DAAM2: variants seen among roughly 807,000 people sequenced by gnomAD.
DAAM2 encodes the protein dishevelled associated activator of morphogenesis 2, also known as disheveled-associated activator of morphogenesis 2.
A neutral mutation model predicts 120.7 loss-of-function variants in DAAM2; 39 were observed. The observed-to-expected ratio is 0.32, with a 90% CI of 0.25 to 0.42. The LOEUF (loss-of-function observed/expected upper bound fraction) is 0.42, where lower values mean the gene tolerates loss of function less well. DAAM2 is among the 10% of genes least tolerant of loss of function. The pLI, the probability that DAAM2 is intolerant of heterozygous loss-of-function variation, is 1.00. For missense variants in DAAM2, 1,283 were observed against 1,401.7 expected, an observed-to-expected ratio of 0.92 and a Z score of 1.35; for synonymous variants, 488 against 524.9, an observed-to-expected ratio of 0.93 and a Z score of 0.96.
At chr6:39,841,944 AG>A (rs1763357224) in intron 1 of DAAM2, among the ~76,000 whole-genome samples, 1 of 152,262 alleles carries the variant, frequency 6.6e-6, no homozygotes, top group African/African-American at 2.4e-5. Flanking sequence ...GACAGAGAGG[AG>A]GGGGAAATTA....
chr6:39,898,811 C>T (rs892155722), intron 21 of DAAM2, 66 bp from the exon 22 acceptor site: 2 of 1,412,662 alleles, frequency 1.4e-6, no homozygotes, highest in African/African-American at 2.8e-5. Context: ...TCTCCCTGAA[C>T]CAGCCTTAGC....
At chr6:39,849,145 CT>C (rs1763711302) in intron 1 of DAAM2, among the ~76,000 whole-genome samples, 1 of 152,148 alleles carries the variant, frequency 6.6e-6, no homozygotes, top group South Asian at 2.1e-4. Flanking sequence ...AGTTGGCAGT[CT>C]TTCTATAATG....
chr6:39,805,737 T>G (rs1244534662), intron 1 of DAAM2, among the ~76,000 whole-genome samples: 1 of 152,062 alleles, frequency 6.6e-6, no homozygotes, highest in African/African-American at 2.4e-5. Flanking sequence ...TGTATTTTAG[T>G]AGAGACGGGG....
In DAAM2 at chr6:39,884,033, T is replaced by C. The variant is rs369272530; in HGVS notation, c.1917T>C (p.Asp639=). ...TATTTCGGATCCTGGACCTAGAGGA[T>C]TTTGAAAAGATGTTTTCAGCCTACC... The part of the protein sequence containing the change: ...MQVFRILDLE[D]FEKMFSAYQR... Residue 639 remains aspartate, a synonymous_variant, in exon 15 of 25, where the codon GAT becomes GAC. Transcript: ENST00000274867. 4 of 1,612,666 alleles carry C rather than the reference T, an allele frequency of 2.5e-6. No individual in the cohort carries two copies. In the African/African-American group the frequency reaches 5.3e-5, roughly 22 times the overall value.
At position 39,887,526 on chromosome 6, in the gene DAAM2, G is replaced by A. The variant is rs769307028; in HGVS notation, c.1994G>A (p.Arg665His). The part of the protein sequence containing the change: ...GSTEDIYLAS[R>H]KVKELSVIDG... ...ACTGAAGACATCTACCTGGCTTCCCGCAAGGTCAAAGAGCTGTCGGTCATT... is the reference window on the plus strand; with the variant it reads ...ACTGAAGACATCTACCTGGCTTCCCACAAGGTCAAAGAGCTGTCGGTCATT... The change falls in exon 16 of 25, where the codon CGC becomes CAC. Residue 665 changes from arginine to histidine, a missense_variant. Coordinates refer to ENST00000274867, the MANE Select transcript of DAAM2 (RefSeq NM_001201427.2). 2.0e-5 allele frequency: 33 copies of A among 1,613,760 alleles called. No homozygotes were observed. The highest frequency in any genetic ancestry group is 2.6e-5 in the Non-Finnish European group (31 of 1,179,782).
At chr6:39,823,248 T>C (rs565202291) in intron 1 of DAAM2, 2 of 152,184 alleles carry the variant, frequency 1.3e-5, no homozygotes, top group Non-Finnish European at 2.9e-5. Flanking sequence ...CAGATTCTAC[T>C]GCAGGAAGGG....
chr6:39,904,121 C>T lies in DAAM2; in HGVS notation c.*2084C>T, dbSNP rs986909237. 1.3e-5 allele frequency: 6 copies of T among 447,842 alleles called. No homozygotes were observed. Among genetic ancestry groups the T allele is most frequent in the Admixed American group, 1.2e-4 (5 of 41,674 alleles). The allele number at this position is 447,842 out of a possible 1,614,324, so 27.7% of individuals were successfully genotyped here. A position where few individuals can be genotyped will look rare whatever the true frequency, so the allele number is the denominator to read the frequency against. ...CAAGCGTGTCTGGCATTCCCACCCACCATGGAAGACTGGATACGCACCTGG... is the reference window on the plus strand; with the variant it reads ...CAAGCGTGTCTGGCATTCCCACCCATCATGGAAGACTGGATACGCACCTGG... On this transcript the variant is annotated 3_prime_UTR_variant, in exon 25 of 25. Transcript: ENST00000274867.
chr6:39,823,719 C>G (rs747233512), intron 1 of DAAM2, among the ~76,000 whole-genome samples: 1 of 152,178 alleles, frequency 6.6e-6, no homozygotes, highest in Non-Finnish European at 1.5e-5. Flanking sequence ...TGACTTGTGC[C>G]TCACCACCCT....
Position 39,864,507 on chromosome 6 carries a change from G to C in DAAM2, c.333G>C (p.Ala111=), listed in dbSNP as rs760045162. The change falls in exon 4 of 25, where the codon GCG becomes GCC. Residue 111 remains alanine (A), a splice_region_variant and synonymous_variant. Coordinates refer to ENST00000274867, the MANE Select transcript of DAAM2 (RefSeq NM_001201427.2). The stretch of plus-strand genomic sequence containing the variant: ...TCGACCGCATCAATTCCATGGCTGC[G>C]GTGAGTGGCTGCCCCTCTCCTGCCC... ...YYIDRINSMA[A]MQSLYAFDEE... is the part of the protein sequence containing the mutation. The C allele has an allele frequency of 6.2e-7, 1 of 1,608,120 alleles. No homozygotes were observed. Among genetic ancestry groups the C allele is most frequent in the Non-Finnish European group, 8.5e-7 (1 of 1,178,146 alleles).
chr6:39,869,325 C>T (rs1341581925), intron 7 of DAAM2, among the ~76,000 whole-genome samples: 4 of 152,264 alleles, frequency 2.6e-5, no homozygotes, highest in Admixed American at 6.5e-5. Flanking sequence ...TGGCTCATGC[C>T]TGTAATCCCA....
Position 39,887,520 on chromosome 6 carries a change from C to T in DAAM2, c.1988C>T (p.Ala663Val). The part of the protein sequence containing the change: ...ELGSTEDIYL[A>V]SRKVKELSVI... ...GGCTCCACTGAAGACATCTACCTGG[C>T]TTCCCGCAAGGTCAAAGAGCTGTCG... The change falls in exon 16 of 25, where the codon GCT becomes GTT. Residue 663 changes from alanine to valine, a missense_variant. Physicochemically the swap from Ala to Val is moderately conservative, Grantham distance 64. Coordinates refer to ENST00000274867, the MANE Select transcript of DAAM2 (RefSeq NM_001201427.2). 1 of 1,613,814 alleles carries T rather than the reference C, an allele frequency of 6.2e-7. No individual in the cohort carries two copies. The highest frequency in any genetic ancestry group is 8.5e-7 in the Non-Finnish European group (1 of 1,179,810).
At chr6:39,872,156 G>C (rs1304347998) in intron 9 of DAAM2, among the ~76,000 whole-genome samples, 1 of 152,202 alleles carries the variant, frequency 6.6e-6, no homozygotes, top group Middle Eastern at 3.2e-3. Flanking sequence ...CAGGCCCTGT[G>C]CTGTGGTGGA....
Position 39,902,258 on chromosome 6 carries a change from C to T in DAAM2, c.*221C>T. The T allele has an allele frequency of 2.2e-6, 1 of 449,688 alleles. No homozygotes were observed. Among genetic ancestry groups the T allele is most frequent in the Non-Finnish European group, 3.9e-6 (1 of 256,072 alleles). The allele number at this position is 449,688 out of a possible 1,614,324, so 27.9% of individuals were successfully genotyped here. On this transcript the variant is annotated 3_prime_UTR_variant, in exon 25 of 25. Coordinates refer to ENST00000274867, the MANE Select transcript of DAAM2 (RefSeq NM_001201427.2). ...CACATGATTCCTTCTGTGCCCTGGC[C>T]CCAGGTATTATTCTGAGGCTGCCTT...
Position 39,900,178 on chromosome 6 carries a change from G to T in DAAM2, c.2781G>T (p.Leu927=), listed in dbSNP as rs571435198. The change falls in exon 23 of 25, where the codon CTG becomes CTT. Residue 927 remains leucine (L), a synonymous_variant. Coordinates refer to ENST00000274867, the MANE Select transcript of DAAM2 (RefSeq NM_001201427.2). Reference sequence around the variant, plus strand: ...TGTCCAGCTTCAGCTTCTCCGAGCTGGAGGACCAGCTAAATGAGGCCAGGG... The same window carrying T: ...TGTCCAGCTTCAGCTTCTCCGAGCTTGAGGACCAGCTAAATGAGGCCAGGG... ...ITVSSFSFSE[L]EDQLNEARDK... The T allele has an allele frequency of 6.8e-6, 11 of 1,608,920 alleles. No homozygotes were observed. In the East Asian group the frequency reaches 2.5e-4, roughly 36 times the overall value.
At chr6:39,838,246 T>C (rs1184067777) in intron 1 of DAAM2, among the ~76,000 whole-genome samples, 1 of 152,202 alleles carries the variant, frequency 6.6e-6, no homozygotes. Flanking sequence ...CACATTTTTC[T>C]TGTGAGTTGA....
At chr6:39,818,513 C>A (rs1762383599) in intron 1 of DAAM2, among the ~76,000 whole-genome samples, 1 of 152,204 alleles carries the variant, frequency 6.6e-6, no homozygotes, top group Non-Finnish European at 1.5e-5. Context: ...TAGTGTTAGA[C>A]TTAGCTCTAC....
intron 19 of DAAM2, among the ~76,000 whole-genome samples, chr6:39,894,119 T>C (rs141938494): frequency 2.6e-5 from 4 of 152,352 alleles, no homozygotes; most frequent in South Asian, 2.1e-4. Context: ...ATGAATATGG[T>C]TGCAAATGTA....
intron 21 of DAAM2, 61 bp from the exon 22 acceptor site, chr6:39,898,816 C>A: frequency 6.9e-7 from 1 of 1,449,760 alleles, no homozygotes; most frequent in Non-Finnish European, 9.6e-7. Context: ...CTGAACCAGC[C>A]TTAGCACCTC....
At chr6:39,796,131 C>T (rs982898488) in intron 1 of DAAM2, among the ~76,000 whole-genome samples, 2 of 152,070 alleles carry the variant, frequency 1.3e-5, no homozygotes, top group African/African-American at 4.8e-5. Flanking sequence ...CCCCCTGAAC[C>T]CTGATTGATA....
Sources: allele counts gnomAD v4.1 joint callset (sites outside exome capture counted in the v4.1 genomes callset), GRCh38; gene constraint gnomAD v4.1.1; transcripts MANE v1.5; gene names NCBI Gene and HGNC (gene_info 2026-07-23, HGNC 2026-07-21).